TTC39C: variants seen among roughly 807,000 people sequenced by gnomAD.
TTC39C encodes tetratricopeptide repeat domain 39C, also known as tetratricopeptide repeat protein 39C.
TTC39C carries 33 observed loss-of-function variants against 76.3 expected under a neutral mutation model. The observed-to-expected ratio is 0.43, with a 90% confidence interval of 0.33 to 0.58. TTC39C has a LOEUF of 0.58. TTC39C is among the 20% of genes least tolerant of loss of function. TTC39C has a pLI of 0.04. For missense variants in TTC39C, 595 were observed against 701.4 expected, an observed-to-expected ratio of 0.85 and a Z score of 1.71; for synonymous variants, 254 against 260.6, an observed-to-expected ratio of 0.97 and a Z score of 0.24.
chr18:24,092,551 A>G (rs73404287), intron 6 of TTC39C, among the ~76,000 whole-genome samples: 1,760 of 152,346 alleles, frequency 0.012, 41 homozygotes, highest in African/African-American at 0.041. Flanking sequence ...ATTCAGCAAT[A>G]GAAAGGAATG....
chr18:24,064,633 T>A (rs76092413), intron 2 of TTC39C, among the ~76,000 whole-genome samples: 6,371 of 152,324 alleles, frequency 0.042, 187 homozygotes, highest in Non-Finnish European at 0.06. Context: ...TAGGTTGCAG[T>A]TAGTTTTAAA....
At chr18:24,017,493 G>A (rs1407846640) in intron 1 of TTC39C, among the ~76,000 whole-genome samples, 2 of 152,336 alleles carry the variant, frequency 1.3e-5, no homozygotes, top group African/African-American at 2.4e-5. Flanking sequence ...GCTTCTGTAC[G>A]TGGTGCCTTC....
chr18:24,044,498 A>G (rs1363630030), intron 1 of TTC39C, among the ~76,000 whole-genome samples: 2 of 152,190 alleles, frequency 1.3e-5, no homozygotes, highest in African/African-American at 4.8e-5. Flanking sequence ...GCAGTTTAGT[A>G]TGGACAGAGT....
intron 1 of TTC39C, among the ~76,000 whole-genome samples, chr18:24,030,596 C>T (rs373917656): frequency 2.8e-5 from 4 of 143,568 alleles, no homozygotes; most frequent in Non-Finnish European, 6.1e-5. Flanking sequence ...GTCACTGTGT[C>T]GTGTGTATTT....
At chr18:24,017,507 G>A (rs1470411050) in intron 1 of TTC39C, among the ~76,000 whole-genome samples, 5 of 152,174 alleles carry the variant, frequency 3.3e-5, no homozygotes, top group East Asian at 1.9e-4. Context: ...TGCCTTCCCC[G>A]CTAGTATTGT....
At chr18:23,997,452 G>C (rs954897980) in intron 1 of TTC39C, among the ~76,000 whole-genome samples, 1 of 148,680 alleles carries the variant, frequency 6.7e-6, no homozygotes, top group African/African-American at 2.5e-5. Context: ...TCAGGAGGCT[G>C]AGACAGGGAG....
chr18:24,118,340 C>A, intron 8 of TTC39C, 108 bp downstream of exon 8: 1 of 719,458 alleles, frequency 1.4e-6, no homozygotes, highest in Non-Finnish European at 2.3e-6. Context: ...TTGTACCCCT[C>A]CACAGCCTTC....
intron 1 of TTC39C, among the ~76,000 whole-genome samples, chr18:23,997,367 A>T (rs1032318281): frequency 6.6e-6 from 1 of 152,148 alleles, no homozygotes; most frequent in East Asian, 1.9e-4. Context: ...CCTGGCCAAC[A>T]TGGCAAAATC....
intron 1 of TTC39C, among the ~76,000 whole-genome samples, chr18:24,030,486 G>A (rs571650282): frequency 6.6e-6 from 1 of 152,232 alleles, no homozygotes; most frequent in South Asian, 2.1e-4. Context: ...GTACACTCTT[G>A]TAATCATACA....
At chr18:24,122,495 C>T (rs2084980449) in intron 8 of TTC39C, among the ~76,000 whole-genome samples, 2 of 1,628 alleles carry the variant, frequency 1.2e-3, no homozygotes, top group Admixed American at 7.7e-3. Context: ...AGCAAGACTC[C>T]ATCTCAAAAA....
intron 1 of TTC39C, among the ~76,000 whole-genome samples, chr18:24,026,153 A>G (rs1009472290): frequency 1.3e-5 from 2 of 152,192 alleles, no homozygotes; most frequent in Non-Finnish European, 2.9e-5. Flanking sequence ...ACGTGGATCT[A>G]GCTTAAAGGA....
At chr18:24,132,207 A>G (rs926111971) in intron 13 of TTC39C, among the ~76,000 whole-genome samples, 1 of 152,256 alleles carries the variant, frequency 6.6e-6, no homozygotes, top group African/African-American at 2.4e-5. Flanking sequence ...AAGAATTTCT[A>G]ATAGCAACTT....
intron 1 of TTC39C, among the ~76,000 whole-genome samples, chr18:24,049,625 G>A (rs145260651): frequency 5.3e-5 from 8 of 152,136 alleles, no homozygotes; most frequent in Non-Finnish European, 1.0e-4. Flanking sequence ...AGCCCGACCC[G>A]AGGGACCAGG....
rs1215571533 is a variant in TTC39C at position 24,068,605 on chromosome 18, A to C, written c.346-552A>C. ...TTTGACTTTTTGCATATTTGTATTTATATGACTTATATTTCAAGTAGTTTG... is the reference window on the plus strand; with the variant it reads ...TTTGACTTTTTGCATATTTGTATTTCTATGACTTATATTTCAAGTAGTTTG... On this transcript the variant is annotated intron_variant, in intron 3 of 13. Coordinates refer to ENST00000317571, the MANE Select transcript of TTC39C (RefSeq NM_001135993.2). Among the ~76,000 whole-genome samples the C allele has an allele frequency of 2.0e-5, 3 of 152,354 alleles. No homozygotes were observed. The South Asian group carries it at 6.2e-4, about 32-fold the overall frequency.
At chr18:24,069,369 CAT>C in intron 4 of TTC39C, 98 bp downstream of exon 4, 1 of 947,958 alleles carries the variant, frequency 1.1e-6, no homozygotes, top group South Asian at 1.6e-5. Flanking sequence ...TCTTTGAACA[CAT>C]GTGGCACCTC....
At chr18:24,006,422 C>T (rs1436054183) in intron 1 of TTC39C, 1 of 152,042 alleles carries the variant, frequency 6.6e-6, no homozygotes, top group African/African-American at 2.4e-5. Context: ...TCTAATTTAC[C>T]TCCTGCAATT....
Position 24,046,503 on chromosome 18 carries a change from G to T in TTC39C, c.168-17637G>T, listed in dbSNP as rs188936429. 2.0e-5 allele frequency among the ~76,000 whole-genome samples: 3 copies of T among 151,848 alleles called. No homozygotes were observed. The East Asian group carries it at 5.8e-4, about 29-fold the overall frequency. Reference sequence around the variant, plus strand: ...CAGGATCAACTTGAGATTTTAACTTGGTAGCGTTTTCTAGAGCCTGTGCTT... The same window carrying T: ...CAGGATCAACTTGAGATTTTAACTTTGTAGCGTTTTCTAGAGCCTGTGCTT... On this transcript the variant is annotated intron_variant, in intron 1 of 13. Coordinates refer to ENST00000317571, the MANE Select transcript of TTC39C (RefSeq NM_001135993.2).
intron 1 of TTC39C, among the ~76,000 whole-genome samples, chr18:24,035,254 C>A (rs1391063408): frequency 6.6e-6 from 1 of 152,054 alleles, no homozygotes; most frequent in African/African-American, 2.4e-5. Context: ...TCTGGGCTGG[C>A]CTCTAACTGC....
intron 1 of TTC39C, among the ~76,000 whole-genome samples, chr18:24,002,858 GA>G (rs1568400440): frequency 6.6e-6 from 1 of 152,190 alleles, no homozygotes; most frequent in Admixed American, 6.5e-5. Flanking sequence ...AACAGAAAGA[GA>G]ACTAACAATT....
Sources: gnomAD v4.1 joint callset for allele counts (sites outside exome capture counted in the v4.1 genomes callset) on GRCh38, gnomAD v4.1.1 for gene constraint, MANE v1.5 for transcripts, NCBI Gene and HGNC (gene_info 2026-07-23, HGNC 2026-07-21) for gene names.